The following GKN2 variants were observed in gnomAD, a reference collection of about 807,000 sequenced individuals.
GKN2 encodes gastrokine 2, also known as gastrokine-2.
A neutral mutation model predicts 22.7 loss-of-function variants in GKN2; 17 were observed. The ratio of observed to expected loss-of-function variants is 0.75; its 90% CI spans 0.51 to 1.13. GKN2 has a LOEUF of 1.13. Ranked by LOEUF, GKN2 falls within the 50% of genes most tolerant of loss-of-function variation. The pLI, the probability that GKN2 is intolerant of heterozygous loss-of-function variation, is 0.00. For missense variants in GKN2, 248 were observed against 221.4 expected, an observed-to-expected ratio of 1.12 and a Z score of -0.76; for synonymous variants, 82 against 79.6, an observed-to-expected ratio of 1.03 and a Z score of -0.16.
intron 2 of GKN2, 44 bp from the exon 3 acceptor site, chr2:68,950,307 A>G: frequency 6.4e-7 from 1 of 1,568,490 alleles, no homozygotes; most frequent in Non-Finnish European, 8.7e-7. Context: ...TAAATCTTAT[A>G]TATTTGAAAG....
chr2:68,947,087 A>G (rs1669781767), intron 4 of GKN2, 60 bp downstream of exon 4: 10 of 1,006,286 alleles, frequency 9.9e-6, no homozygotes, highest in Non-Finnish European at 1.6e-5. Flanking sequence ...TCATTTCTCC[A>G]TAAATACCAG....
chr2:68,946,575 G>A, intron 4 of GKN2, 115 bp from the exon 5 acceptor site: 1 of 817,764 alleles, frequency 1.2e-6, no homozygotes, highest in Non-Finnish European at 1.8e-6. Flanking sequence ...AAGAACTTAG[G>A]GATCTCAAGA....
At chr2:68,947,379 G>A (rs1669785773) in intron 3 of GKN2, 122 bp from the exon 4 acceptor site, 2 of 645,298 alleles carry the variant, frequency 3.1e-6, no homozygotes. Context: ...TGGTGGGATT[G>A]CTCTCCAATC....
At position 68,949,878 on chromosome 2, in the gene GKN2, T is replaced by G. The variant is rs73935453; in HGVS notation, c.204+248A>C. On this transcript the variant is annotated intron_variant, in intron 3 of 5. Coordinates refer to ENST00000328895, the MANE Select transcript of GKN2 (RefSeq NM_182536.3). Reference sequence around the variant, plus strand: ...GCCTGTAGTGGGATAATAGCATTACTCTTCCAATTTCTACCTGAAAAGGTC... The same window carrying G: ...GCCTGTAGTGGGATAATAGCATTACGCTTCCAATTTCTACCTGAAAAGGTC... Among the ~76,000 whole-genome samples the G allele has an allele frequency of 4.2e-3, 642 of 152,362 alleles. 3 individuals are homozygous for G. The highest frequency in any genetic ancestry group is 0.015 in the African/African-American group (611 of 41,584).
At chr2:68,948,937 C>T (rs979720981) in intron 3 of GKN2, among the ~76,000 whole-genome samples, 2 of 152,148 alleles carry the variant, frequency 1.3e-5, no homozygotes, top group African/African-American at 2.4e-5. Flanking sequence ...AAAACAATTT[C>T]AGTGCCACTT....
intron 5 of GKN2, chr2:68,945,877 C>G: frequency 4.3e-6 from 1 of 231,966 alleles, no homozygotes; most frequent in Non-Finnish European, 8.3e-6. Context: ...GTCCGCTTGG[C>G]CTCCTCTTTC....
At chr2:68,946,607 C>T in intron 4 of GKN2, 147 bp from the exon 5 acceptor site, 2 of 634,178 alleles carry the variant, frequency 3.2e-6, no homozygotes, top group Non-Finnish European at 5.1e-6. Flanking sequence ...TTTGAACACT[C>T]TATCTGTGAA....
At position 68,947,335 on chromosome 2, in the gene GKN2, C is replaced by T. The variant is rs372035433; in HGVS notation, c.205-78G>A. On this transcript the variant is annotated intron_variant, in intron 3 of 5. Transcript: ENST00000328895. ...CTTGGTGAAGATGATGCCTGAACCTCGGAAGAAAGACTTGAACATGCACAG... is the reference window on the plus strand; with the variant it reads ...CTTGGTGAAGATGATGCCTGAACCTTGGAAGAAAGACTTGAACATGCACAG... The T allele has an allele frequency of 1.7e-5, 15 of 887,774 alleles. 1 individual carries two copies. The highest frequency in any genetic ancestry group is 5.4e-5 in the South Asian group (4 of 73,740). 55.0% of individuals were successfully genotyped at this position (887,774 alleles called of 1,614,324 possible). A position where few individuals can be genotyped will look rare whatever the true frequency, so the allele number is the denominator to read the frequency against.
At position 68,950,261 on chromosome 2, in the gene GKN2, A is replaced by C. The variant is rs745793623; in HGVS notation, c.69T>G (p.Val23=). Residue 23 remains valine, a splice_region_variant and synonymous_variant, in exon 3 of 6, where the codon GTT becomes GTG. Coordinates refer to ENST00000328895, the MANE Select transcript of GKN2 (RefSeq NM_182536.3). ...TGTTGCTTGGGCTGATGATGTTAAA[A>C]ACCTAGATTGAAAAGAAAGACAAAA... ...IFGIQSHGYE[V]FNIISPSNNG... 25 of 1,603,068 alleles carry C rather than the reference A, an allele frequency of 1.6e-5. No homozygotes were observed. Among genetic ancestry groups the C allele is most frequent in the Non-Finnish European group, 1.9e-5 (22 of 1,176,888 alleles).
At chr2:68,947,052 A>G (rs1669781409) in intron 4 of GKN2, 95 bp downstream of exon 4, 1 of 755,206 alleles carries the variant, frequency 1.3e-6, no homozygotes, top group African/African-American at 1.7e-5. Flanking sequence ...AAGGCATGAT[A>G]GTATGATCTT....
chr2:68,948,102 C>T (rs113367419), intron 3 of GKN2, among the ~76,000 whole-genome samples: 4,687 of 151,518 alleles, frequency 0.031, 214 homozygotes, highest in African/African-American at 0.11. Context: ...AAAATTTAGC[C>T]GGGCGTGGTG....
Position 68,952,839 on chromosome 2 carries a change from C to A in GKN2, c.12+11G>T. On this transcript the variant is annotated intron_variant, in intron 1 of 5. Coordinates refer to ENST00000328895, the MANE Select transcript of GKN2 (RefSeq NM_182536.3). Reference sequence around the variant, plus strand: ...CCACAAGAGTATCAAGAAGCAGAAACAAATACTCACAAGTATTTTCATTTT... The same window carrying A: ...CCACAAGAGTATCAAGAAGCAGAAAAAAATACTCACAAGTATTTTCATTTT... The A allele has an allele frequency of 1.9e-6, 3 of 1,613,710 alleles. No homozygotes were observed. Among genetic ancestry groups the A allele is most frequent in the Non-Finnish European group, 2.5e-6 (3 of 1,179,806 alleles).
At chr2:68,950,673 G>A (rs1669841859) in intron 2 of GKN2, 29 bp downstream of exon 2, 7 of 1,602,188 alleles carry the variant, frequency 4.4e-6, no homozygotes, top group African/African-American at 1.3e-5. Context: ...ACATCTCTAA[G>A]AGATAAAGTC....
chr2:68,949,562 G>A (rs1324519587), intron 3 of GKN2, among the ~76,000 whole-genome samples: 1 of 152,046 alleles, frequency 6.6e-6, no homozygotes. Context: ...TGGGACCACA[G>A]GCCCGCACCA....
chr2:68,947,443 C>T (rs1368801749), intron 3 of GKN2, among the ~76,000 whole-genome samples, 186 bp from the exon 4 acceptor site: 2 of 152,150 alleles, frequency 1.3e-5, no homozygotes, highest in Non-Finnish European at 2.9e-5. Flanking sequence ...CATTTTTTCA[C>T]TTGTCATTTC....
At chr2:68,952,054 G>A (rs1558707697) in intron 1 of GKN2, among the ~76,000 whole-genome samples, 1 of 152,220 alleles carries the variant, frequency 6.6e-6, no homozygotes, top group Non-Finnish European at 1.5e-5. Flanking sequence ...TGAGAATAAA[G>A]GACAGAGACT....
intron 1 of GKN2, among the ~76,000 whole-genome samples, chr2:68,951,365 G>T (rs1431930655): frequency 6.6e-6 from 1 of 152,144 alleles, no homozygotes; most frequent in African/African-American, 2.4e-5. Context: ...TCACACAAGT[G>T]CTGGGCCCAC....
In GKN2 at chr2:68,950,714, A is replaced by T; in HGVS notation, c.54T>A (p.Ser18=). 1 of 1,614,138 alleles carries T rather than the reference A, an allele frequency of 6.2e-7. No homozygotes were observed. Among genetic ancestry groups the T allele is most frequent in the Non-Finnish European group, 8.5e-7 (1 of 1,179,976 alleles). Residue 18 remains serine, a synonymous_variant, in exon 2 of 6, where the codon TCT becomes TCA. Coordinates refer to ENST00000328895, the MANE Select transcript of GKN2 (RefSeq NM_182536.3). ...LVVLTIFGIQ[S]HGYEVFNIIS... Reference sequence around the variant, plus strand: ...GGAACCAACTCACCTCGTATCCATGAGATTGTATCCCAAAGATGGTCAGCA... The same window carrying T: ...GGAACCAACTCACCTCGTATCCATGTGATTGTATCCCAAAGATGGTCAGCA...
At position 68,947,273 on chromosome 2, in the gene GKN2, TAC is replaced by T; in HGVS notation, c.205-18_205-17del. On this transcript the variant is annotated splice_polypyrimidine_tract_variant and intron_variant, in intron 3 of 5. Transcript: ENST00000328895. The stretch of plus-strand genomic sequence containing the variant: ...CAATGTAGCCCTGAGGCAGCAAGAG[TAC>T]AGTTACTGTTCCTCCCTAGTTCCCT... The T allele has an allele frequency of 6.6e-7, 1 of 1,519,692 alleles. No individual in the cohort carries two copies. The allele number at this position is 1,519,692 out of a possible 1,614,324, so 94.1% of individuals were successfully genotyped here. A position where few individuals can be genotyped will look rare whatever the true frequency, so the allele number is the denominator to read the frequency against.
Sources: gnomAD v4.1 joint callset for allele counts (sites outside exome capture counted in the v4.1 genomes callset) on GRCh38, gnomAD v4.1.1 for gene constraint, MANE v1.5 for transcripts, NCBI Gene and HGNC (gene_info 2026-07-23, HGNC 2026-07-21) for gene names.